Variants in DDR2 observed in about 807,000 individuals in gnomAD.
DDR2 encodes the protein discoidin domain-containing receptor 2.
Under a neutral mutation model 94.9 loss-of-function variants are expected in DDR2, and 27 were observed. The ratio of observed to expected loss-of-function variants is 0.28; its 90% CI spans 0.21 to 0.39. The LOEUF is 0.39. DDR2 is among the 10% of genes least tolerant of loss of function. DDR2 has a pLI of 1.00. For missense variants in DDR2, 783 were observed against 1,076.0 expected (o/e 0.73, Z 3.81); for synonymous variants, 382 against 377.2 (o/e 1.01, Z -0.15).
At chr1:162,711,768 ATT>A (rs1179912394) in intron 2 of DDR2, among the ~76,000 whole-genome samples, 1 of 151,992 alleles carries the variant, frequency 6.6e-6, no homozygotes, top group Admixed American at 6.6e-5. Context: ...TTGAATATAT[ATT>A]TATATATATA....
chr1:162,727,246 T>C (rs1661723524), intron 3 of DDR2, among the ~76,000 whole-genome samples: 1 of 106,732 alleles, frequency 9.4e-6, no homozygotes, highest in South Asian at 3.2e-4. Flanking sequence ...AATATAAACA[T>C]ATATTTATAT....
chr1:162,742,096 G>C (rs1662639694), intron 3 of DDR2, among the ~76,000 whole-genome samples: 1 of 152,208 alleles, frequency 6.6e-6, no homozygotes, highest in African/African-American at 2.4e-5. Flanking sequence ...AAACAGTTCA[G>C]ATTTGCCCTT....
At chr1:162,633,327 C>T (rs1380174376) in intron 1 of DDR2, among the ~76,000 whole-genome samples, 1 of 152,146 alleles carries the variant, frequency 6.6e-6, no homozygotes, top group East Asian at 1.9e-4. Flanking sequence ...GAGTCCCATC[C>T]AAAGGGAAAG....
intron 2 of DDR2, among the ~76,000 whole-genome samples, chr1:162,698,382 A>G (rs1011876358): frequency 6.6e-6 from 1 of 152,128 alleles, no homozygotes; most frequent in Non-Finnish European, 1.5e-5. Flanking sequence ...TGCTCATTCC[A>G]GGCATCCAAA....
At chr1:162,647,444 G>GCC (rs1162324740) in intron 1 of DDR2, among the ~76,000 whole-genome samples, 28 of 152,288 alleles carry the variant, frequency 1.8e-4, no homozygotes, top group Middle Eastern at 3.4e-3. Context: ...GACCTCACGT[G>GCC]AGAAAGAGTT....
At chr1:162,754,319 G>A (rs566106152) in intron 4 of DDR2, among the ~76,000 whole-genome samples, 10 of 152,248 alleles carry the variant, frequency 6.6e-5, no homozygotes, top group African/African-American at 1.2e-4. Flanking sequence ...TGACTCATGC[G>A]GGAACAGAGA....
At chr1:162,665,063 T>C (rs1412404305) in intron 2 of DDR2, among the ~76,000 whole-genome samples, 2 of 152,248 alleles carry the variant, frequency 1.3e-5, no homozygotes, top group South Asian at 4.1e-4. Flanking sequence ...CAAATCCCAA[T>C]TGATCTTCCC....
chr1:162,662,954 A>G (rs1658379202), intron 2 of DDR2, among the ~76,000 whole-genome samples: 1 of 152,168 alleles, frequency 6.6e-6, no homozygotes. Context: ...CACGGGACAG[A>G]GGACCCTTTC....
intron 2 of DDR2, among the ~76,000 whole-genome samples, chr1:162,667,149 A>C (rs4631664): frequency 0.9 from 137,480 of 152,056 alleles, 63,794 homozygotes; most frequent in East Asian, 1. Flanking sequence ...GCTGCCAGTC[A>C]CCCAGTTCCA....
chr1:162,687,045 G>A (rs1659721248), intron 2 of DDR2, among the ~76,000 whole-genome samples: 1 of 152,204 alleles, frequency 6.6e-6, no homozygotes, highest in African/African-American at 2.4e-5. Flanking sequence ...GCTCCTGACT[G>A]GGGAGAAAGT....
At chr1:162,731,767 C>T (rs1288434840) in intron 3 of DDR2, among the ~76,000 whole-genome samples, 1 of 152,142 alleles carries the variant, frequency 6.6e-6, no homozygotes, top group Non-Finnish European at 1.5e-5. Flanking sequence ...ATTATGTTAA[C>T]CTTGGCTTGG....
Position 162,727,601 on chromosome 1 carries a change from TC to T in DDR2, c.82+8461del, listed in dbSNP as rs1163388285. 4.0e-5 allele frequency among the ~76,000 whole-genome samples: 6 copies of T among 149,508 alleles called. No homozygotes were observed. In the South Asian group the frequency reaches 1.0e-3, roughly 26 times the overall value. ...CTGGGAGTTTCCTTGACTTCCTTTTTCCCCCTCCCTCTTCTTATTCATCAAA... is the reference window on the plus strand; with the variant it reads ...CTGGGAGTTTCCTTGACTTCCTTTTTCCCCTCCCTCTTCTTATTCATCAAA... On this transcript the variant is annotated intron_variant, in intron 3 of 17. Coordinates refer to ENST00000367921, the MANE Select transcript of DDR2 (RefSeq NM_006182.4).
At chr1:162,779,938 T>A (rs1482536541) in intron 17 of DDR2, among the ~76,000 whole-genome samples, 174 bp from the exon 18 acceptor site, 1 of 152,142 alleles carries the variant, frequency 6.6e-6, no homozygotes, top group African/African-American at 2.4e-5. Context: ...GCTGATATGA[T>A]TCAGAACTTT....
intron 2 of DDR2, among the ~76,000 whole-genome samples, chr1:162,711,678 G>C (rs999102498): frequency 3.9e-5 from 6 of 152,272 alleles, no homozygotes; most frequent in Middle Eastern, 3.4e-3. Flanking sequence ...GGGTGGAAAT[G>C]ATGGAGGTAT....
chr1:162,653,394 T>C (rs763854710), intron 1 of DDR2, among the ~76,000 whole-genome samples: 9 of 152,124 alleles, frequency 5.9e-5, no homozygotes, highest in African/African-American at 9.7e-5. Flanking sequence ...CTGGGCAACA[T>C]GTCGAAACCC....
In DDR2 at chr1:162,771,007, C is replaced by T. The variant is rs190359804; in HGVS notation, c.1504+495C>T. Reference sequence around the variant, plus strand: ...TAAAATAAATAACTACTTGAGTTATCTATTTTTTGTGAATTTCTCTTTGGT... The same window carrying T: ...TAAAATAAATAACTACTTGAGTTATTTATTTTTTGTGAATTTCTCTTTGGT... On this transcript the variant is annotated intron_variant, in intron 12 of 17. Coordinates refer to ENST00000367921, the MANE Select transcript of DDR2 (RefSeq NM_006182.4). 2.3e-3 allele frequency among the ~76,000 whole-genome samples: 343 copies of T among 152,288 alleles called. 2 individuals carry two copies. The highest frequency in any genetic ancestry group is 8.1e-3 in the African/African-American group (335 of 41,556).
At chr1:162,751,527 G>A (rs1312935805) in intron 3 of DDR2, among the ~76,000 whole-genome samples, 1 of 152,208 alleles carries the variant, frequency 6.6e-6, no homozygotes, top group Admixed American at 6.5e-5. Context: ...GGAGAAATAG[G>A]AATGCTTTTA....
At chr1:162,699,703 T>C (rs918625871) in intron 2 of DDR2, among the ~76,000 whole-genome samples, 1 of 148,914 alleles carries the variant, frequency 6.7e-6, no homozygotes, top group East Asian at 2.0e-4. Context: ...CTTCTCTTAA[T>C]CTCACTTTTA....
intron 14 of DDR2, among the ~76,000 whole-genome samples, chr1:162,774,274 G>A (rs1479927843): frequency 6.6e-6 from 1 of 152,200 alleles, no homozygotes; most frequent in Non-Finnish European, 1.5e-5. Context: ...AGAGAGACAA[G>A]CTGGTTGAAA....
Sources: allele counts gnomAD v4.1 joint callset (sites outside exome capture counted in the v4.1 genomes callset), GRCh38; gene constraint gnomAD v4.1.1; transcripts MANE v1.5; gene names NCBI Gene and HGNC (gene_info 2026-07-23, HGNC 2026-07-21).